Variants in PLAGL2 observed in about 807,000 individuals in gnomAD.
The protein encoded by PLAGL2 is PLAG1 like zinc finger 2.
A neutral mutation model predicts 29.0 loss-of-function variants in PLAGL2; 7 were observed. The ratio of observed to expected loss-of-function variants is 0.24; its 90% confidence interval spans 0.14 to 0.45. PLAGL2 has a LOEUF of 0.45. Ranked by LOEUF, PLAGL2 falls within the 20% of genes least tolerant of loss-of-function variation. The pLI, the probability that PLAGL2 is intolerant of heterozygous loss-of-function variation, is 0.99. For missense variants in PLAGL2, 454 were observed against 648.2 expected (o/e 0.70, Z 3.25); for synonymous variants, 234 against 266.0 (o/e 0.88, Z 1.17).
In PLAGL2 at chr20:32,193,301, T is replaced by G. The variant is rs2047210535; in HGVS notation, c.*3151A>C. On this transcript the variant is annotated 3_prime_UTR_variant, in exon 3 of 3. Transcript: ENST00000246229. The stretch of plus-strand genomic sequence containing the variant: ...TTTAGGGCAGTGGGAGAATTCCAAC[T>G]TAGGACAATATCTACGAGCAAAAAA... The G allele has an allele frequency of 6.6e-6, 1 of 152,114 alleles. No individual in the cohort carries two copies. Among genetic ancestry groups the G allele is most frequent in the South Asian group, 2.1e-4 (1 of 4,822 alleles). The allele number at this position is 152,114 out of a possible 1,614,324, so 9.4% of individuals were successfully genotyped here.
At chr20:32,204,322 T>G (rs569738043) in intron 1 of PLAGL2, among the ~76,000 whole-genome samples, 1 of 152,250 alleles carries the variant, frequency 6.6e-6, no homozygotes, top group East Asian at 1.9e-4. Context: ...AAGAGAACAT[T>G]ACGTCCCCAC....
rs1282025810 is a variant in PLAGL2 at position 32,198,748 on chromosome 20, AAAAG to A, written c.261-1070_261-1067del. 2.6e-5 allele frequency among the ~76,000 whole-genome samples: 4 copies of A among 152,234 alleles called. 1 individual carries two copies. The East Asian group carries it at 7.7e-4, about 29-fold the overall frequency. ...GTGATACAATCTGTTTTGAAAATAA[AAAAG>A]AAAGAGAATATACATGTTTGAATGT... On this transcript the variant is annotated intron_variant, in intron 2 of 2. Transcript: ENST00000246229.
At chr20:32,198,492 T>C (rs2047241652) in intron 2 of PLAGL2, among the ~76,000 whole-genome samples, 1 of 151,916 alleles carries the variant, frequency 6.6e-6, no homozygotes. Flanking sequence ...TCTTAACCAT[T>C]AGATGGGCAT....
intron 2 of PLAGL2, among the ~76,000 whole-genome samples, chr20:32,200,522 G>A (rs1263322506): frequency 3.3e-5 from 5 of 152,114 alleles, no homozygotes; most frequent in Non-Finnish European, 7.3e-5. Context: ...CACCGCACCC[G>A]GCTGATCTAT....
At chr20:32,205,382 C>G (rs943928927) in intron 1 of PLAGL2, among the ~76,000 whole-genome samples, 2 of 152,164 alleles carry the variant, frequency 1.3e-5, no homozygotes, top group Non-Finnish European at 2.9e-5. Flanking sequence ...TACTTTACCT[C>G]CCTCCAGGCA....
intron 1 of PLAGL2, among the ~76,000 whole-genome samples, chr20:32,203,656 A>T (rs1221542904): frequency 6.6e-6 from 1 of 152,132 alleles, no homozygotes; most frequent in Non-Finnish European, 1.5e-5. Flanking sequence ...GGGCCACAGA[A>T]TGCTTGCTCA....
At chr20:32,201,205 C>T (rs1204118188) in intron 2 of PLAGL2, among the ~76,000 whole-genome samples, 6 of 152,184 alleles carry the variant, frequency 3.9e-5, no homozygotes, top group Admixed American at 6.5e-5. Context: ...GTCTACTTTT[C>T]CTTCTAAAGT....
chr20:32,196,736 G>C lies in PLAGL2; in HGVS notation c.1207C>G (p.Leu403Val). 1 of 1,589,192 alleles carries C rather than the reference G, an allele frequency of 6.3e-7. No individual in the cohort carries two copies. The highest frequency in any genetic ancestry group is 8.6e-7 in the Non-Finnish European group (1 of 1,166,960). ...TTAGCAGCGCAGAGGGCCTCAGAGA[G>C]GTTGGCGGGGCTCTTGGCAAGCAGT... ...EALLAKSPANLSEALCAANVD... is the reference protein window; with the variant it reads ...EALLAKSPANVSEALCAANVD... Residue 403 changes from leucine (L) to valine (V), a missense_variant, in exon 3 of 3, where the codon CTC (leucine) becomes GTC (valine). Coordinates refer to ENST00000246229, the MANE Select transcript of PLAGL2 (RefSeq NM_002657.3).
rs745622775 is a variant in PLAGL2 at position 32,197,020 on chromosome 20, G to A, written c.923C>T (p.Thr308Met). The change falls in exon 3 of 3, where the codon ACG becomes ATG. Residue 308 changes from threonine to methionine, a missense_variant. Around this residue, in one of 4 missense-constraint regions of PLAGL2, gnomAD observed 247 missense variants for 350.3 expected, o/e 0.71. Transcript: ENST00000246229. This position sits in a 1 kb window ranked among gnomAD's most constrained non-coding sequence, Gnocchi z 6.6. The part of the protein sequence containing the change: ...YGAHIPTMPS[T>M]GVPHSLVHNT... ...GTGCACCAGGGAGTGTGGCACGCCC[G>A]TGCTGGGCATGGTAGGGATGTGGGC... 116 of 1,614,104 alleles carry A rather than the reference G, an allele frequency of 7.2e-5. No homozygotes were observed. The East Asian group carries it at 1.3e-3, about 18-fold the overall frequency.
chr20:32,200,798 T>C (rs1022121020), intron 2 of PLAGL2, among the ~76,000 whole-genome samples: 1 of 151,810 alleles, frequency 6.6e-6, no homozygotes, highest in Non-Finnish European at 1.5e-5. Context: ...TTCACCATGT[T>C]GGCCAGGCTT....
chr20:32,200,382 G>A (rs1162605906), intron 2 of PLAGL2, among the ~76,000 whole-genome samples: 2 of 151,650 alleles, frequency 1.3e-5, no homozygotes, highest in Non-Finnish European at 2.9e-5. Flanking sequence ...GACTACAGGC[G>A]CCTGCCACCG....
rs766041117 is a variant in PLAGL2, at chr20:32,194,606, G to A, written c.*1846C>T. The A allele has an allele frequency of 2.6e-5, 4 of 152,648 alleles. No homozygotes were observed. Among genetic ancestry groups the A allele is most frequent in the Non-Finnish European group, 5.9e-5 (4 of 68,056 alleles). 9.5% of individuals were successfully genotyped at this position (152,648 alleles called of 1,614,324 possible). ...ACCTCAAACAAGGAGTACTGGCTTA[G>A]GCTGAAGCAGAAAGCTGAGTCCTGG... is the stretch of plus-strand genomic sequence containing the variant. On this transcript the variant is annotated 3_prime_UTR_variant, in exon 3 of 3. Transcript: ENST00000246229.
At chr20:32,201,538 C>T (rs139067023) in intron 2 of PLAGL2, among the ~76,000 whole-genome samples, 146 of 152,288 alleles carry the variant, frequency 9.6e-4, no homozygotes, top group African/African-American at 3.3e-3. Flanking sequence ...GAGCTGATTG[C>T]ACCACTGTAC....
In PLAGL2 at chr20:32,204,745, A is replaced by G. The variant is rs73903571; in HGVS notation, c.-114-2453T>C. ...CCTGGGTTTGTCTTACATAAGCAGA[A>G]GGCCTGTTCCTTCAGACTTGTCCTT... On this transcript the variant is annotated intron_variant, in intron 1 of 2. Coordinates refer to ENST00000246229, the MANE Select transcript of PLAGL2 (RefSeq NM_002657.3). Among the ~76,000 whole-genome samples, 1,367 of 152,348 alleles carry G rather than the reference A, an allele frequency of 9.0e-3. 25 individuals are homozygous for G. Among genetic ancestry groups the G allele is most frequent in the African/African-American group, 0.031 (1,296 of 41,582 alleles).
chr20:32,196,821 G>T lies in PLAGL2; in HGVS notation c.1122C>A (p.Ser374=). Reference sequence around the variant, plus strand: ...GAGGTGAGGCGGGCTGGGGTTCAGCGGATGAGAGAGACAGGCTTCCAGGAA... The same window carrying T: ...GAGGTGAGGCGGGCTGGGGTTCAGCTGATGAGAGAGACAGGCTTCCAGGAA... The part of the protein sequence containing the change: ...AELPGSLSLS[S]AEPQPASPQP... The change falls in exon 3 of 3, where the codon TCC becomes TCA. Residue 374 remains serine, a synonymous_variant. Transcript: ENST00000246229. The T allele has an allele frequency of 1.2e-6, 2 of 1,613,756 alleles. No homozygotes were observed. The highest frequency in any genetic ancestry group is 1.7e-6 in the Non-Finnish European group (2 of 1,179,712).
chr20:32,201,857 G>C (rs369880570), intron 2 of PLAGL2, 62 bp downstream of exon 2: 2 of 1,444,004 alleles, frequency 1.4e-6, no homozygotes, highest in Non-Finnish European at 1.9e-6. Flanking sequence ...ACTAGGCAGA[G>C]TCTCTCTGCT....
intron 2 of PLAGL2, among the ~76,000 whole-genome samples, chr20:32,198,286 A>AT (rs1470710423): frequency 6.6e-6 from 1 of 152,208 alleles, no homozygotes; most frequent in South Asian, 2.1e-4. Flanking sequence ...AAAGTATTTC[A>AT]TTTTTTAAAC....
Position 32,197,518 on chromosome 20 carries a change from T to C in PLAGL2, c.425A>G (p.Tyr142Cys). 1.9e-6 allele frequency: 3 copies of C among 1,614,190 alleles called. No homozygotes were observed. Among genetic ancestry groups the C allele is most frequent in the Non-Finnish European group, 2.5e-6 (3 of 1,180,040 alleles). Residue 142 changes from tyrosine to cysteine, a missense_variant, in exon 3 of 3, where the codon TAC becomes TGC. Physicochemically the swap from Tyr to Cys is radical, Grantham distance 194 (BLOSUM62 -2). Transcript: ENST00000246229. This position sits in a 1 kb window ranked among gnomAD's most constrained non-coding sequence, Gnocchi z 6.6. ...CGKNYNTKLGYRRHLAMHAAS... is the reference protein window; with the variant it reads ...CGKNYNTKLGCRRHLAMHAAS... The stretch of plus-strand genomic sequence containing the variant: ...AGCATGCATGGCCAGGTGGCGCCGG[T>C]AGCCCAGCTTCGTATTGTAATTCTT...
chr20:32,202,675 C>A (rs554803681), intron 1 of PLAGL2, among the ~76,000 whole-genome samples: 1 of 152,288 alleles, frequency 6.6e-6, no homozygotes, highest in African/African-American at 2.4e-5. Context: ...TTCCATTGAA[C>A]CTAGAGATAG....
Sources: allele counts gnomAD v4.1 joint callset (sites outside exome capture counted in the v4.1 genomes callset), GRCh38; gene constraint gnomAD v4.1.1; regional missense constraint gnomAD v4.1.1; non-coding constraint Gnocchi (gnomAD v3.1); transcripts MANE v1.5; gene names NCBI Gene and HGNC (gene_info 2026-07-23, HGNC 2026-07-21).